Variants in DIAPH2 observed in about 807,000 individuals in gnomAD.
The protein encoded by DIAPH2 is diaphanous related formin 2.
A neutral mutation model predicts 92.7 loss-of-function variants in DIAPH2; 35 were observed. The ratio of observed to expected loss-of-function variants is 0.38; its 90% CI spans 0.29 to 0.50. The LOEUF (loss-of-function observed/expected upper bound fraction) is 0.50. Ranked by LOEUF, DIAPH2 falls within the 20% of genes least tolerant of loss-of-function variation. DIAPH2 has a pLI of 0.94. For synonymous variants in DIAPH2, 301 were observed against 280.4 expected (o/e 1.07, Z -0.73); for missense variants, 701 against 819.5 (o/e 0.86, Z 1.77).
intron 5 of DIAPH2, among the ~76,000 whole-genome samples, chrX:96,904,762 A>T (rs1418815101): frequency 9.0e-6 from 1 of 111,209 alleles, no homozygotes; most frequent in African/African-American, 3.3e-5. Flanking sequence ...TTTTAGTTGC[A>T]TTAAAAAACA....
At chrX:97,008,097 A>T (rs1443107410) in intron 17 of DIAPH2, among the ~76,000 whole-genome samples, 1 of 100,579 alleles carries the variant, frequency 9.9e-6, no homozygotes, top group Non-Finnish European at 2.0e-5. Context: ...GGCATGCGTC[A>T]TTCTATTTTA....
intron 26 of DIAPH2, among the ~76,000 whole-genome samples, chrX:97,574,284 C>T (rs774358347): frequency 9.0e-6 from 1 of 111,665 alleles, no homozygotes; most frequent in South Asian, 3.8e-4. Context: ...CAGATCTGAC[C>T]AGCTTTCTTT....
At chrX:97,274,625 T>C (rs1448747453) in intron 23 of DIAPH2, among the ~76,000 whole-genome samples, 1 of 110,220 alleles carries the variant, frequency 9.1e-6, no homozygotes, top group Non-Finnish European at 1.9e-5. Context: ...AGCACAAGTT[T>C]TTTTTTTGTT....
chrX:96,710,030 A>G (rs1285870301), intron 1 of DIAPH2, among the ~76,000 whole-genome samples: 1 of 111,876 alleles, frequency 8.9e-6, no homozygotes, highest in African/African-American at 3.2e-5. Context: ...GATTTTTTCA[A>G]GTACGGTACT....
At chrX:96,886,009 G>T (rs752738254) in intron 5 of DIAPH2, among the ~76,000 whole-genome samples, 1 of 111,097 alleles carries the variant, frequency 9.0e-6, no homozygotes, top group Non-Finnish European at 1.9e-5. Context: ...TAACTTTCCT[G>T]TGTGATTTTT....
intron 16 of DIAPH2, among the ~76,000 whole-genome samples, chrX:96,963,693 G>A (rs186193929): frequency 5.4e-5 from 6 of 111,026 alleles, no homozygotes; most frequent in East Asian, 5.7e-4. Flanking sequence ...CGCTCCTTCC[G>A]TGCCTCAGGT....
chrX:96,887,377 C>A (rs1266015480), intron 5 of DIAPH2, among the ~76,000 whole-genome samples: 1 of 111,101 alleles, frequency 9.0e-6, no homozygotes, highest in Non-Finnish European at 1.9e-5. Context: ...TGATAGTTAG[C>A]CACACCTTTT....
intron 4 of DIAPH2, among the ~76,000 whole-genome samples, chrX:96,770,621 T>C (rs2064332676): frequency 8.9e-6 from 1 of 111,893 alleles, no homozygotes; most frequent in South Asian, 3.7e-4. Context: ...GGTTTAGAAA[T>C]TGTAGGATAG....
chrX:96,912,921 T>A, intron 7 of DIAPH2, among the ~76,000 whole-genome samples: 1 of 111,308 alleles, frequency 9.0e-6, no homozygotes, highest in Non-Finnish European at 1.9e-5. Context: ...AATTTGATGT[T>A]TAATTTTCCA....
Position 96,776,298 on chromosome X carries a change from C to T in DIAPH2, c.447+18040C>T, listed in dbSNP as rs948442791. Among the ~76,000 whole-genome samples, 3 of 110,992 alleles carry T rather than the reference C, an allele frequency of 2.7e-5. No individual in the cohort carries two copies. In the Admixed American group the frequency reaches 2.9e-4, roughly 11 times the overall value. ...CAATCCCTGCTCACTGCACCCTCTG[C>T]CTCCTGGGTTCAAGTGATTCTCTTG... On this transcript the variant is annotated intron_variant, in intron 4 of 26. Coordinates refer to ENST00000324765, the MANE Select transcript of DIAPH2 (RefSeq NM_006729.5).
At position 97,111,898 on chromosome X, in the gene DIAPH2, G is replaced by C. The variant is rs1280900525; in HGVS notation, c.2350-2828G>C. Among the ~76,000 whole-genome samples the C allele has an allele frequency of 2.7e-5, 3 of 112,142 alleles. No individual in the cohort carries two copies. The East Asian group carries it at 8.4e-4, about 31-fold the overall frequency. ...TTCTCATCTTTGGAATGAAAATAAC[G>C]ATAACCGTTTCCTAGGATTGTTTTG... On this transcript the variant is annotated intron_variant, in intron 20 of 26. Transcript: ENST00000324765.
chrX:97,169,265 G>A (rs1345761168), intron 22 of DIAPH2, among the ~76,000 whole-genome samples: 1 of 111,678 alleles, frequency 9.0e-6, no homozygotes, highest in Non-Finnish European at 1.9e-5. Flanking sequence ...TTAGCAAGAG[G>A]AAGCGTATTA....
chrX:96,739,730 A>T (rs936901931), intron 3 of DIAPH2, among the ~76,000 whole-genome samples: 8 of 112,095 alleles, frequency 7.1e-5, no homozygotes, highest in Non-Finnish European at 1.3e-4. Context: ...ATCTAGCCAC[A>T]ACTGGCATTT....
At chrX:97,157,449 GATA>G (rs1260237316) in intron 22 of DIAPH2, among the ~76,000 whole-genome samples, 1 of 111,084 alleles carries the variant, frequency 9.0e-6, no homozygotes, top group African/African-American at 3.3e-5. Flanking sequence ...TTGCTTTAAA[GATA>G]ATAATATCAA....
intron 23 of DIAPH2, among the ~76,000 whole-genome samples, chrX:97,321,544 A>ATT (rs72265655): frequency 0.034 from 1,662 of 48,265 alleles, 36 homozygotes; most frequent in Non-Finnish European, 0.048. Context: ...TTGTGTTGTT[A>ATT]TTTTTTTTTT....
chrX:96,867,356 T>A (rs963074739), intron 4 of DIAPH2, among the ~76,000 whole-genome samples: 10 of 110,820 alleles, frequency 9.0e-5, no homozygotes, highest in African/African-American at 3.3e-4. Flanking sequence ...GTAGCTGGGT[T>A]TACAGGCGCG....
In DIAPH2 at chrX:96,928,814, T is replaced by C. The variant is rs767740177; in HGVS notation, c.979-1919T>C. Among the ~76,000 whole-genome samples, 7 of 111,672 alleles carry C rather than the reference T, an allele frequency of 6.3e-5. No homozygotes were observed. In the South Asian group the frequency reaches 2.6e-3, roughly 41 times the overall value. ...GGATGGAACGTCTTTGTTTTCATATTAAACTATATGTTCATACATTGTATG... is the reference window on the plus strand; with the variant it reads ...GGATGGAACGTCTTTGTTTTCATATCAAACTATATGTTCATACATTGTATG... On this transcript the variant is annotated intron_variant, in intron 9 of 26. Transcript: ENST00000324765.
chrX:96,685,366 C>T (rs974563735), intron 1 of DIAPH2, among the ~76,000 whole-genome samples, 176 bp downstream of exon 1: 1 of 111,898 alleles, frequency 8.9e-6, no homozygotes, highest in African/African-American at 3.2e-5. Flanking sequence ...GGCGTGGGGG[C>T]GGAAGAGCAC....
chrX:96,766,270 A>G (rs781591321), intron 4 of DIAPH2, among the ~76,000 whole-genome samples: 1 of 109,334 alleles, frequency 9.1e-6, no homozygotes, highest in Non-Finnish European at 1.9e-5. Flanking sequence ...GAAAAACAGT[A>G]TAATGAGGTA....
Sources: allele counts gnomAD v4.1 joint callset (sites outside exome capture counted in the v4.1 genomes callset), GRCh38; gene constraint gnomAD v4.1.1; transcripts MANE v1.5; gene names NCBI Gene and HGNC (gene_info 2026-07-23, HGNC 2026-07-21).